Variants in SH3GL3 observed in about 807,000 individuals in gnomAD.
SH3GL3 encodes SH3 domain containing GRB2 like 3, endophilin A3.
A neutral mutation model predicts 47.7 loss-of-function variants in SH3GL3; 33 were observed. That is an observed-to-expected ratio of 0.69 (90% CI 0.52 to 0.92). SH3GL3 has a LOEUF of 0.92. Among genes scored for constraint, SH3GL3 ranks in the 40% least tolerant of loss-of-function variants. The pLI is 0.00. For synonymous variants in SH3GL3, 155 were observed against 148.8 expected (o/e 1.04, Z -0.30); for missense variants, 363 against 417.8 (o/e 0.87, Z 1.14).
At chr15:83,540,988 A>C (rs755241439) in intron 1 of SH3GL3, among the ~76,000 whole-genome samples, 3 of 152,130 alleles carry the variant, frequency 2.0e-5, no homozygotes, top group Non-Finnish European at 4.4e-5. Flanking sequence ...CTCTGTCTTC[A>C]TGAGTTCAAT....
At chr15:83,490,703 C>A (rs1484169273) in intron 1 of SH3GL3, 1 of 1,459,306 alleles carries the variant, frequency 6.9e-7, no homozygotes, top group African/African-American at 1.4e-5. Flanking sequence ...AGACCAAGCT[C>A]TCACAAGGGC....
At chr15:83,500,466 C>T (rs2042247582) in intron 1 of SH3GL3, among the ~76,000 whole-genome samples, 1 of 152,168 alleles carries the variant, frequency 6.6e-6, no homozygotes, top group Admixed American at 6.5e-5. Flanking sequence ...ACCAATGTGG[C>T]CTTCAGGCCC....
intron 5 of SH3GL3, among the ~76,000 whole-genome samples, chr15:83,575,106 A>G (rs1460168726): frequency 6.6e-6 from 1 of 152,148 alleles, no homozygotes; most frequent in Non-Finnish European, 1.5e-5. Context: ...GGTGGGGTAC[A>G]GGAGATGTTT....
intron 1 of SH3GL3, among the ~76,000 whole-genome samples, chr15:83,536,535 T>C (rs886733298): frequency 2.0e-5 from 3 of 151,944 alleles, no homozygotes; most frequent in Non-Finnish European, 4.4e-5. Flanking sequence ...CCTGAGTAGC[T>C]GAAATTACAG....
chr15:83,530,779 C>T (rs532817491), intron 1 of SH3GL3, among the ~76,000 whole-genome samples: 1 of 152,236 alleles, frequency 6.6e-6, no homozygotes, highest in Admixed American at 6.5e-5. Flanking sequence ...TTCAGTTAAT[C>T]ATCATGATTC....
intron 1 of SH3GL3, among the ~76,000 whole-genome samples, chr15:83,474,456 G>A (rs1410129042): frequency 6.6e-6 from 1 of 151,918 alleles, no homozygotes; most frequent in East Asian, 1.9e-4. Context: ...TTAAAAAGCT[G>A]TGCAGGCCAA....
At chr15:83,579,615 A>G (rs200803856) in intron 6 of SH3GL3, among the ~76,000 whole-genome samples, 2 of 152,112 alleles carry the variant, frequency 1.3e-5, no homozygotes, top group East Asian at 1.9e-4. Context: ...GACAGTGGTG[A>G]TAATGATGAT....
chr15:83,536,231 A>C (rs1285327040), intron 1 of SH3GL3, among the ~76,000 whole-genome samples: 1 of 152,130 alleles, frequency 6.6e-6, no homozygotes, highest in Non-Finnish European at 1.5e-5. Context: ...GCCGAGCCTG[A>C]GGACAGCAAG....
At chr15:83,567,271 T>C (rs1013328875) in intron 3 of SH3GL3, among the ~76,000 whole-genome samples, 7 of 152,204 alleles carry the variant, frequency 4.6e-5, no homozygotes, top group African/African-American at 1.4e-4. Context: ...CTGTACTTTT[T>C]AGGGCATCTT....
In SH3GL3 at chr15:83,554,019, C is replaced by CTTT. The variant is rs373240676; in HGVS notation, c.46-5218_46-5216dup. 2.9e-4 allele frequency among the ~76,000 whole-genome samples: 38 copies of CTTT among 129,434 alleles called. No individual in the cohort carries two copies. The South Asian group carries it at 4.4e-3, about 15-fold the overall frequency. 84.9% of individuals were successfully genotyped at this position (129,434 alleles called of 152,430 possible). ...ATGTCTTTATTTTCTTTCTCTCGCT[C>CTTT]TTTTTTTTTTTTTTTTTTGAGACAG... On this transcript the variant is annotated intron_variant, in intron 1 of 8. Coordinates refer to ENST00000427482, the MANE Select transcript of SH3GL3 (RefSeq NM_003027.5).
intron 6 of SH3GL3, among the ~76,000 whole-genome samples, chr15:83,578,574 A>G (rs751749533): frequency 2.1e-4 from 32 of 152,306 alleles, no homozygotes; most frequent in Non-Finnish European, 4.4e-4. Context: ...TATTCTCCCA[A>G]CTGGAAATGC....
At chr15:83,515,306 G>T (rs1464436433) in intron 1 of SH3GL3, among the ~76,000 whole-genome samples, 1 of 152,160 alleles carries the variant, frequency 6.6e-6, no homozygotes, top group Non-Finnish European at 1.5e-5. Flanking sequence ...CAAATCAGCG[G>T]TGTTCACACT....
intron 1 of SH3GL3, among the ~76,000 whole-genome samples, chr15:83,556,360 G>GA (rs2044959757): frequency 6.6e-6 from 1 of 152,184 alleles, no homozygotes. Flanking sequence ...GGAAATTCAG[G>GA]AAAAGCAGAA....
chr15:83,475,640 G>C (rs1262291127), intron 1 of SH3GL3, among the ~76,000 whole-genome samples: 1 of 152,164 alleles, frequency 6.6e-6, no homozygotes, highest in Admixed American at 6.5e-5. Flanking sequence ...CTGTTGTATT[G>C]AAATTATTTT....
intron 1 of SH3GL3, among the ~76,000 whole-genome samples, chr15:83,501,781 A>G (rs763320972): frequency 7.9e-5 from 12 of 152,112 alleles, no homozygotes; most frequent in Non-Finnish European, 1.3e-4. Flanking sequence ...AATCCCAGCT[A>G]CTTGGAGGCT....
chr15:83,475,030 G>A lies in SH3GL3; in HGVS notation c.45+27452G>A, dbSNP rs1031209901. 2.6e-5 allele frequency among the ~76,000 whole-genome samples: 4 copies of A among 151,794 alleles called. No homozygotes were observed. The East Asian group carries it at 5.8e-4, about 22-fold the overall frequency. ...AGGATGCAAGAATAGGTATTCTCTC[G>A]AATGTTATAAGGCAGATATAATCCC... On this transcript the variant is annotated intron_variant, in intron 1 of 8. Coordinates refer to ENST00000427482, the MANE Select transcript of SH3GL3 (RefSeq NM_003027.5).
chr15:83,603,825 G>A (rs1257925152), intron 8 of SH3GL3, among the ~76,000 whole-genome samples: 1 of 152,126 alleles, frequency 6.6e-6, no homozygotes, highest in Non-Finnish European at 1.5e-5. Context: ...CAAATGTTTT[G>A]CCATAATCTA....
In SH3GL3 at chr15:83,508,603, G is replaced by C. The variant is rs544643971; in HGVS notation, c.46-50650G>C. Reference sequence around the variant, plus strand: ...TTACTTTTTTTTTTCTTTTGAGATGGAGTCTCGCTCTGTTGCCAGGCTGGA... The same window carrying C: ...TTACTTTTTTTTTTCTTTTGAGATGCAGTCTCGCTCTGTTGCCAGGCTGGA... On this transcript the variant is annotated intron_variant, in intron 1 of 8. Coordinates refer to ENST00000427482, the MANE Select transcript of SH3GL3 (RefSeq NM_003027.5). Among the ~76,000 whole-genome samples the C allele has an allele frequency of 5.9e-5, 9 of 152,088 alleles. No homozygotes were observed. The South Asian group carries it at 1.7e-3, about 28-fold the overall frequency.
intron 1 of SH3GL3, among the ~76,000 whole-genome samples, chr15:83,461,317 C>T (rs1161775669): frequency 6.6e-6 from 1 of 152,094 alleles, no homozygotes; most frequent in African/African-American, 2.4e-5. Flanking sequence ...GTACAAATTT[C>T]CAAAAGTCTA....
Sources: allele counts gnomAD v4.1 joint callset (sites outside exome capture counted in the v4.1 genomes callset), GRCh38; gene constraint gnomAD v4.1.1; transcripts MANE v1.5; gene names NCBI Gene and HGNC (gene_info 2026-07-23, HGNC 2026-07-21).